The following SNX29 variants were observed in gnomAD, a reference collection of about 807,000 sequenced individuals.
SNX29 encodes the protein sorting nexin-29.
A neutral mutation model predicts 102.1 loss-of-function variants in SNX29; 78 were observed. The observed-to-expected ratio is 0.76, with a 90% CI of 0.64 to 0.92. The LOEUF is 0.92. Among genes scored for constraint, SNX29 ranks in the 40% least tolerant of loss-of-function variants. The probability of loss-of-function intolerance (pLI) is 0.00; values close to 1 mark genes in which losing one functional copy is unlikely to be tolerated. For synonymous variants in SNX29, 580 were observed against 414.5 expected, an observed-to-expected ratio of 1.40 and a Z score of -4.85; for missense variants, 1,280 against 1,061.7, an observed-to-expected ratio of 1.21 and a Z score of -2.86.
chr16:12,532,194 T>A (rs929926693), intron 20 of SNX29, among the ~76,000 whole-genome samples: 10 of 152,226 alleles, frequency 6.6e-5, no homozygotes, highest in African/African-American at 2.4e-4. Context: ...GAATCATTCT[T>A]GCAAATAAAT....
intron 6 of SNX29, among the ~76,000 whole-genome samples, chr16:12,047,029 G>A (rs1040976335): frequency 2.6e-5 from 4 of 152,208 alleles, no homozygotes; most frequent in Non-Finnish European, 4.4e-5. Flanking sequence ...GGAATTGGAG[G>A]TGGGAGACCT....
intron 20 of SNX29, among the ~76,000 whole-genome samples, chr16:12,547,303 C>T (rs907377407): frequency 3.3e-5 from 5 of 152,258 alleles, no homozygotes; most frequent in East Asian, 1.9e-4. Flanking sequence ...AGCAAGGAAG[C>T]CAGGGTAGCC....
intron 4 of SNX29, among the ~76,000 whole-genome samples, chr16:12,034,935 C>A (rs757426489): frequency 1.3e-5 from 2 of 151,948 alleles, no homozygotes; most frequent in Non-Finnish European, 2.9e-5. Context: ...TCCTTGAATC[C>A]AGGAGGCGGA....
intron 14 of SNX29, among the ~76,000 whole-genome samples, chr16:12,242,608 T>C (rs943863577): frequency 6.6e-6 from 1 of 150,942 alleles, no homozygotes; most frequent in Non-Finnish European, 1.5e-5. Context: ...TCTCTTCTTC[T>C]TCTCTTCTTC....
intron 18 of SNX29, among the ~76,000 whole-genome samples, chr16:12,455,399 C>A (rs956862916): frequency 4.6e-5 from 7 of 152,310 alleles, no homozygotes; most frequent in Admixed American, 2.0e-4. Context: ...GCCCTGCATA[C>A]CGGCTTGGCC....
chr16:12,386,719 C>T (rs1234350073), intron 16 of SNX29, among the ~76,000 whole-genome samples: 1 of 152,156 alleles, frequency 6.6e-6, no homozygotes, highest in Non-Finnish European at 1.5e-5. Context: ...CTTTCCTGAA[C>T]AGTTCAAAGT....
chr16:12,155,943 G>A (rs1380935952), intron 13 of SNX29, among the ~76,000 whole-genome samples: 1 of 152,240 alleles, frequency 6.6e-6, no homozygotes, highest in South Asian at 2.1e-4. Context: ...CAAAGCTGGT[G>A]AGTGGTATAA....
intron 14 of SNX29, among the ~76,000 whole-genome samples, chr16:12,277,180 G>C (rs1596728744): frequency 6.6e-6 from 1 of 152,220 alleles, no homozygotes; most frequent in Non-Finnish European, 1.5e-5. Context: ...TTGAGGCCAG[G>C]AGTTTGAGAC....
rs140788272 is a variant in SNX29, at chr16:12,251,102, C to T, written c.1679-26831C>T. ...GATCCTGCTTTGTTGGGAGCATAGG[C>T]GCAAGGCAAACTTCCTGGGTTGGGG... On this transcript the variant is annotated intron_variant, in intron 14 of 20. Transcript: ENST00000566228. Among the ~76,000 whole-genome samples the T allele has an allele frequency of 4.6e-5, 7 of 152,290 alleles. No individual in the cohort carries two copies. The East Asian group carries it at 1.2e-3, about 25-fold the overall frequency.
chr16:12,409,940 T>A (rs1270581005), intron 18 of SNX29, among the ~76,000 whole-genome samples: 2 of 152,212 alleles, frequency 1.3e-5, no homozygotes, highest in African/African-American at 4.8e-5. Context: ...ACCGATTAGA[T>A]CTTCTTTGTA....
chr16:12,173,495 C>G (rs1018864810), intron 13 of SNX29, among the ~76,000 whole-genome samples: 1 of 152,186 alleles, frequency 6.6e-6, no homozygotes, highest in Non-Finnish European at 1.5e-5. Flanking sequence ...TTTTTGACCC[C>G]CTGACTTCAG....
chr16:12,184,175 T>C (rs1310759023), intron 13 of SNX29, among the ~76,000 whole-genome samples: 1 of 152,192 alleles, frequency 6.6e-6, no homozygotes, highest in East Asian at 1.9e-4. Flanking sequence ...TCTGTAATAG[T>C]ATTATGCTGG....
chr16:12,553,277 C>T lies in SNX29; in HGVS notation c.2319-15229C>T, dbSNP rs375067512. ...ACAAGACCACTGCCGCCTAGGGGCA[C>T]AGAGTAAGAGGAAAATGAGTGGGCA... On this transcript the variant is annotated intron_variant, in intron 20 of 20. Transcript: ENST00000566228. 6.6e-5 allele frequency among the ~76,000 whole-genome samples: 10 copies of T among 152,310 alleles called. No individual in the cohort carries two copies. The South Asian group carries it at 1.9e-3, about 28-fold the overall frequency.
chr16:12,414,567 C>A (rs2084545932), intron 18 of SNX29, among the ~76,000 whole-genome samples: 1 of 152,176 alleles, frequency 6.6e-6, no homozygotes, highest in African/African-American at 2.4e-5. Context: ...CGGTCTCTTT[C>A]CTTTTCCAAG....
At chr16:12,436,939 C>T (rs1280498853) in intron 18 of SNX29, among the ~76,000 whole-genome samples, 1 of 152,250 alleles carries the variant, frequency 6.6e-6, no homozygotes, top group Non-Finnish European at 1.5e-5. Context: ...AGGCATGAGC[C>T]ACCACGCCCG....
chr16:12,291,741 T>G (rs1319073825), intron 15 of SNX29, among the ~76,000 whole-genome samples: 1 of 152,150 alleles, frequency 6.6e-6, no homozygotes. Flanking sequence ...AGAGCTCCAT[T>G]GAGACATGGA....
intron 14 of SNX29, among the ~76,000 whole-genome samples, chr16:12,240,448 T>C (rs993288117): frequency 9.2e-5 from 14 of 152,166 alleles, no homozygotes; most frequent in African/African-American, 3.1e-4. Flanking sequence ...TGACCATTTG[T>C]TGTTTTGTTT....
intron 16 of SNX29, among the ~76,000 whole-genome samples, chr16:12,368,681 C>G (rs2082573694): frequency 6.6e-6 from 1 of 152,204 alleles, no homozygotes; most frequent in Non-Finnish European, 1.5e-5. Flanking sequence ...GGAATAGAAG[C>G]TGGGATTGGA....
intron 14 of SNX29, among the ~76,000 whole-genome samples, chr16:12,238,989 C>T (rs966098801): frequency 6.6e-6 from 1 of 152,198 alleles, no homozygotes; most frequent in African/African-American, 2.4e-5. Context: ...AGGACTCTCC[C>T]CCGCTAACTG....
Sources: allele counts gnomAD v4.1 joint callset (sites outside exome capture counted in the v4.1 genomes callset), GRCh38; gene constraint gnomAD v4.1.1; transcripts MANE v1.5; gene names NCBI Gene and HGNC (gene_info 2026-07-23, HGNC 2026-07-21).